The following METTL15 variants were observed in gnomAD, a reference collection of about 807,000 sequenced individuals.
METTL15 encodes the protein 12S rRNA N(4)-cytidine methyltransferase METTL15.
In METTL15, 34 loss-of-function variants were observed where a neutral mutation model predicts 38.3. The ratio of observed to expected loss-of-function variants is 0.89; its 90% CI spans 0.68 to 1.18. METTL15 has a LOEUF of 1.18. METTL15 is among the 50% of genes most tolerant of loss of function. METTL15 has a pLI of 0.00. For missense variants in METTL15, 438 were observed against 498.4 expected (o/e 0.88, Z 1.15); for synonymous variants, 162 against 170.9 (o/e 0.95, Z 0.41).
intron 3 of METTL15, among the ~76,000 whole-genome samples, chr11:28,140,333 G>C (rs1849656271): frequency 6.6e-6 from 1 of 152,156 alleles, no homozygotes; most frequent in African/African-American, 2.4e-5. Flanking sequence ...AGAAAAGACT[G>C]GTTTGGAATA....
At chr11:28,347,246 C>A (rs1451087026) in intron 3 of METTL15, among the ~76,000 whole-genome samples, 4 of 152,124 alleles carry the variant, frequency 2.6e-5, no homozygotes, top group Non-Finnish European at 5.9e-5. Context: ...CCATACCTAC[C>A]AAGGGGTAGT....
At chr11:28,155,007 C>A (rs1429130832) in intron 3 of METTL15, among the ~76,000 whole-genome samples, 2 of 151,990 alleles carry the variant, frequency 1.3e-5, no homozygotes, top group Non-Finnish European at 2.9e-5. Flanking sequence ...AGAAGTTTCT[C>A]CTAATGGGAT....
chr11:28,167,245 A>G (rs1347564364), intron 3 of METTL15, among the ~76,000 whole-genome samples: 1 of 152,166 alleles, frequency 6.6e-6, no homozygotes, highest in Non-Finnish European at 1.5e-5. Context: ...TAACCAAGAA[A>G]CTGACTCTGG....
chr11:28,272,833 G>A (rs1366515856), intron 4 of METTL15, among the ~76,000 whole-genome samples: 2 of 152,118 alleles, frequency 1.3e-5, no homozygotes, highest in African/African-American at 4.8e-5. Flanking sequence ...GGAATACTTT[G>A]ACTTCATGGT....
intron 6 of METTL15, among the ~76,000 whole-genome samples, chr11:28,476,291 T>G (rs117329294): frequency 0.012 from 1,770 of 152,308 alleles, 22 homozygotes; most frequent in South Asian, 0.029. Context: ...CTCTTTATTT[T>G]GGTCCCTGGG....
intron 6 of METTL15, among the ~76,000 whole-genome samples, chr11:28,437,492 C>A (rs1176522366): frequency 6.6e-6 from 1 of 152,130 alleles, no homozygotes; most frequent in African/African-American, 2.4e-5. Flanking sequence ...TGTTTTTCTC[C>A]TCAGTTTTTA....
chr11:28,269,318 A>AT (rs1491461992), intron 4 of METTL15, among the ~76,000 whole-genome samples: 23 of 152,058 alleles, frequency 1.5e-4, no homozygotes, highest in Admixed American at 1.2e-3. Flanking sequence ...ATATATATAT[A>AT]AAAAACATGA....
chr11:28,293,324 A>G (rs1856597121), intron 5 of METTL15, among the ~76,000 whole-genome samples: 1 of 152,148 alleles, frequency 6.6e-6, no homozygotes, highest in African/African-American at 2.4e-5. Context: ...TCCTTTCCCC[A>G]TTTCTTGTTT....
chr11:28,392,869 A>G (rs909600562), intron 5 of METTL15, among the ~76,000 whole-genome samples: 3 of 152,192 alleles, frequency 2.0e-5, no homozygotes, highest in Non-Finnish European at 4.4e-5. Flanking sequence ...TCTCCAAAGA[A>G]GATATACAAA....
chr11:28,368,832 A>G (rs1171488177), intron 5 of METTL15, among the ~76,000 whole-genome samples: 1 of 152,118 alleles, frequency 6.6e-6, no homozygotes, highest in Non-Finnish European at 1.5e-5. Context: ...CATAAAAAGG[A>G]TGAGTTCATG....
At chr11:28,411,484 G>A (rs188609152) in intron 5 of METTL15, among the ~76,000 whole-genome samples, 1 of 151,970 alleles carries the variant, frequency 6.6e-6, no homozygotes, top group East Asian at 1.9e-4. Flanking sequence ...GTCACGAAGG[G>A]GAAACAATAG....
chr11:28,505,120 G>A (rs1388513957), intron 6 of METTL15, among the ~76,000 whole-genome samples: 5 of 152,306 alleles, frequency 3.3e-5, no homozygotes, highest in South Asian at 2.1e-4. Context: ...GCTTTTCCTG[G>A]AAAGGTGATA....
At chr11:28,413,360 C>T (rs1013345139) in intron 5 of METTL15, among the ~76,000 whole-genome samples, 1 of 151,982 alleles carries the variant, frequency 6.6e-6, no homozygotes, top group Non-Finnish European at 1.5e-5. Context: ...AACTTTTGGA[C>T]TAAGATGTTT....
intron 6 of METTL15, among the ~76,000 whole-genome samples, chr11:28,426,050 A>C (rs1850861227): frequency 6.6e-6 from 1 of 152,140 alleles, no homozygotes; most frequent in African/African-American, 2.4e-5. Flanking sequence ...CCCATCACCT[A>C]GGTATTCAGC....
At chr11:28,311,217 T>G (rs1277678178) in intron 6 of METTL15, among the ~76,000 whole-genome samples, 1 of 152,140 alleles carries the variant, frequency 6.6e-6, no homozygotes, top group Non-Finnish European at 1.5e-5. Flanking sequence ...ATTTAATCCT[T>G]TCTCTTTCTC....
intron 5 of METTL15, among the ~76,000 whole-genome samples, chr11:28,402,167 G>A (rs980622178): frequency 6.6e-6 from 1 of 151,800 alleles, no homozygotes; most frequent in Non-Finnish European, 1.5e-5. Flanking sequence ...AGCCAACTAA[G>A]CCAGAAACTG....
intron 4 of METTL15, among the ~76,000 whole-genome samples, chr11:28,212,729 G>A (rs1042497062): frequency 2.0e-5 from 3 of 152,146 alleles, no homozygotes; most frequent in African/African-American, 7.2e-5. Flanking sequence ...TAATACAGAT[G>A]CACGTGTCTT....
At chr11:28,376,362 A>G (rs981743163) in intron 5 of METTL15, among the ~76,000 whole-genome samples, 35 of 152,166 alleles carry the variant, frequency 2.3e-4, no homozygotes, top group African/African-American at 7.5e-4. Context: ...TATTGGGTGC[A>G]TATATATTTA....
intron 5 of METTL15, among the ~76,000 whole-genome samples, chr11:28,414,257 G>T (rs1456074324): frequency 6.6e-6 from 1 of 152,030 alleles, no homozygotes; most frequent in African/African-American, 2.4e-5. Context: ...TGAAAGCAAG[G>T]AGCAGGAAAC....
Sources: gnomAD v4.1 joint callset for allele counts (sites outside exome capture counted in the v4.1 genomes callset) on GRCh38, gnomAD v4.1.1 for gene constraint, MANE v1.5 for transcripts, NCBI Gene and HGNC (gene_info 2026-07-23, HGNC 2026-07-21) for gene names.